Variants in GRIA2 observed in about 807,000 individuals in gnomAD.
GRIA2 encodes the protein glutamate receptor 2.
GRIA2 carries 14 observed loss-of-function variants against 97.3 expected under a neutral mutation model. That is an observed-to-expected ratio of 0.14 (90% CI 0.10 to 0.23). The LOEUF is 0.23. Ranked by LOEUF, GRIA2 falls within the 10% of genes least tolerant of loss-of-function variation. The probability of loss-of-function intolerance (pLI) is 1.00; values close to 1 mark genes in which losing one functional copy is unlikely to be tolerated. For synonymous variants in GRIA2, 412 were observed against 387.8 expected (o/e 1.06, Z -0.73); for missense variants, 558 against 1,069.8 (o/e 0.52, Z 6.67).
chr4:157,260,084 TTTTA>T (rs1731459850), intron 2 of GRIA2, among the ~76,000 whole-genome samples: 1 of 152,226 alleles, frequency 6.6e-6, no homozygotes, highest in East Asian at 1.9e-4. Flanking sequence ...GTTCTACACA[TTTTA>T]TTTATTTTTC....
intron 2 of GRIA2, among the ~76,000 whole-genome samples, chr4:157,289,426 G>C (rs564821411): frequency 2.0e-5 from 3 of 151,758 alleles, no homozygotes; most frequent in Non-Finnish European, 4.4e-5. Context: ...GCGAATACTT[G>C]ATGTAAATAC....
intron 2 of GRIA2, chr4:157,249,663 G>A (rs981652025): frequency 6.6e-6 from 1 of 152,078 alleles, no homozygotes; most frequent in Admixed American, 6.6e-5. Context: ...TTCCTCAGTG[G>A]GTTACAATTT....
At chr4:157,255,347 A>G (rs995786532) in intron 2 of GRIA2, among the ~76,000 whole-genome samples, 2 of 151,946 alleles carry the variant, frequency 1.3e-5, no homozygotes, top group Non-Finnish European at 2.9e-5. Context: ...TGCTTTTGTG[A>G]ACAGTGATGC....
intron 8 of GRIA2, 112 bp from the exon 9 acceptor site, chr4:157,333,898 C>T: frequency 3.1e-6 from 2 of 635,024 alleles, no homozygotes; most frequent in Non-Finnish European, 5.8e-6. Context: ...TAGAACAAGT[C>T]CAGTAAATGT....
intron 12 of GRIA2, among the ~76,000 whole-genome samples, chr4:157,355,934 T>A (rs184616827): frequency 0.075 from 2,277 of 30,162 alleles, 152 homozygotes; most frequent in Middle Eastern, 0.13. Flanking sequence ...TATATATATT[T>A]ATATATTAAT....
chr4:157,321,153 CT>C (rs1734547019), intron 5 of GRIA2, among the ~76,000 whole-genome samples: 2 of 152,222 alleles, frequency 1.3e-5, no homozygotes, highest in South Asian at 2.1e-4. Context: ...TGGAAGATTT[CT>C]CAATAGAGTG....
Position 157,363,858 on chromosome 4 carries a change from A to C in GRIA2, c.*427A>C. On this transcript the variant is annotated 3_prime_UTR_variant, in exon 16 of 16. Transcript: ENST00000264426. ...ACCTGAAGTCTTTGTACAGACAACA[A>C]ACCTGTTTCTGCAGCCACTATTGTT... 1 of 281,598 alleles carries C rather than the reference A, an allele frequency of 3.6e-6. No homozygotes were observed. Among genetic ancestry groups the C allele is most frequent in the Non-Finnish European group, 6.6e-6 (1 of 151,812 alleles). 17.4% of individuals were successfully genotyped at this position (281,598 alleles called of 1,614,324 possible).
chr4:157,348,089 C>A (rs1046689904), intron 12 of GRIA2, among the ~76,000 whole-genome samples: 2 of 151,086 alleles, frequency 1.3e-5, no homozygotes, highest in Admixed American at 6.6e-5. Flanking sequence ...GCACTCCAGC[C>A]GGGCAACAGA....
At chr4:157,246,080 A>G (rs956418017) in intron 2 of GRIA2, among the ~76,000 whole-genome samples, 2 of 152,118 alleles carry the variant, frequency 1.3e-5, no homozygotes, top group Non-Finnish European at 2.9e-5. Flanking sequence ...AGAGGTTTAT[A>G]TTCAAGATAA....
At chr4:157,331,972 G>A (rs1239416945) in intron 6 of GRIA2, among the ~76,000 whole-genome samples, 1 of 151,994 alleles carries the variant, frequency 6.6e-6, no homozygotes. Context: ...CGTACTCTTA[G>A]TACCTACAGA....
chr4:157,299,601 CAGAGTGACCTAAG>C (rs538398903), intron 2 of GRIA2, among the ~76,000 whole-genome samples: 221 of 152,190 alleles, frequency 1.5e-3, no homozygotes, highest in African/African-American at 5.1e-3. Flanking sequence ...CACCAATGAG[CAGAGTGACCTAAG>C]AGAAAAAGAT....
At chr4:157,323,509 A>C (rs964457967) in intron 6 of GRIA2, among the ~76,000 whole-genome samples, 23 of 151,986 alleles carry the variant, frequency 1.5e-4, no homozygotes, top group Non-Finnish European at 1.5e-5. Flanking sequence ...CATTCTGTGG[A>C]ATTGCAGGCT....
At chr4:157,290,381 A>C (rs1265049758) in intron 2 of GRIA2, among the ~76,000 whole-genome samples, 7 of 152,024 alleles carry the variant, frequency 4.6e-5, no homozygotes, top group Non-Finnish European at 5.9e-5. Flanking sequence ...GAGTAAAAGA[A>C]AGGTATACTT....
chr4:157,298,810 T>C (rs1443374196), intron 2 of GRIA2, among the ~76,000 whole-genome samples: 3 of 152,068 alleles, frequency 2.0e-5, no homozygotes, highest in Admixed American at 6.6e-5. Flanking sequence ...ACATAGAATA[T>C]TTACAGTGCA....
intron 6 of GRIA2, among the ~76,000 whole-genome samples, chr4:157,322,520 G>C (rs1734623535): frequency 1.3e-5 from 2 of 151,962 alleles, no homozygotes; most frequent in African/African-American, 4.8e-5. Flanking sequence ...CATTTTATTG[G>C]GTATACACAT....
At chr4:157,350,771 A>G (rs553163515) in intron 12 of GRIA2, among the ~76,000 whole-genome samples, 2 of 152,190 alleles carry the variant, frequency 1.3e-5, no homozygotes, top group South Asian at 4.1e-4. Flanking sequence ...TGGTAACTGC[A>G]TGGAATTAAT....
chr4:157,234,569 C>T (rs192930648), intron 2 of GRIA2, among the ~76,000 whole-genome samples: 6 of 152,138 alleles, frequency 3.9e-5, no homozygotes, highest in African/African-American at 1.4e-4. Flanking sequence ...TGATACTATT[C>T]AGTTACCAAT....
At chr4:157,301,346 A>G (rs1733607279) in intron 2 of GRIA2, among the ~76,000 whole-genome samples, 1 of 152,238 alleles carries the variant, frequency 6.6e-6, no homozygotes, top group South Asian at 2.1e-4. Flanking sequence ...GTACCCAGAC[A>G]AGAACAAAAA....
rs536894038 is a variant in GRIA2, at chr4:157,365,707, A to G, written c.*2276A>G. On this transcript the variant is annotated 3_prime_UTR_variant, in exon 16 of 16. Transcript: ENST00000264426. Reference sequence around the variant, plus strand: ...ATATAAATATGTCTGTGTGCATATAAGTGAAAAGTGGTCAAACAAGAGTGA... The same window carrying G: ...ATATAAATATGTCTGTGTGCATATAGGTGAAAAGTGGTCAAACAAGAGTGA... 1 of 152,072 alleles carries G rather than the reference A, an allele frequency of 6.6e-6. No homozygotes were observed. The highest frequency in any genetic ancestry group is 1.9e-4 in the East Asian group (1 of 5,166). 9.4% of individuals were successfully genotyped at this position (152,072 alleles called of 1,614,324 possible).
Sources: allele counts gnomAD v4.1 joint callset (sites outside exome capture counted in the v4.1 genomes callset), GRCh38; gene constraint gnomAD v4.1.1; transcripts MANE v1.5; gene names NCBI Gene and HGNC (gene_info 2026-07-23, HGNC 2026-07-21).